FSTL4: variants seen among roughly 807,000 people sequenced by gnomAD.
FSTL4 encodes the protein follistatin-related protein 4.
In FSTL4, 28 loss-of-function variants were observed where a neutral mutation model predicts 78.2. The ratio of observed to expected loss-of-function variants is 0.36; its 90% CI spans 0.27 to 0.49. The LOEUF is 0.49. Among genes scored for constraint, FSTL4 ranks in the 20% least tolerant of loss-of-function variants. The pLI is 0.98. For synonymous variants in FSTL4, 422 were observed against 440.5 expected (o/e 0.96, Z 0.53); for missense variants, 922 against 1,084.9 (o/e 0.85, Z 2.11).
At chr5:133,578,397 G>C (rs1397199686) in intron 2 of FSTL4, among the ~76,000 whole-genome samples, 1 of 152,222 alleles carries the variant, frequency 6.6e-6, no homozygotes, top group Non-Finnish European at 1.5e-5. Flanking sequence ...AAAACGGGCA[G>C]ACCCGACAGC....
the FSTL4 span, among the ~76,000 whole-genome samples, chr5:133,713,688 C>T: frequency 6.6e-6 from 1 of 150,870 alleles, no homozygotes; most frequent in African/African-American, 2.4e-5. Context: ...AACCAAGCCA[C>T]TGGGTCCTGG....
At chr5:133,578,856 G>C (rs138908689) in intron 2 of FSTL4, among the ~76,000 whole-genome samples, 8 of 152,304 alleles carry the variant, frequency 5.3e-5, no homozygotes, top group African/African-American at 1.9e-4. Flanking sequence ...GCCAGATTAA[G>C]GGACCAAGAA....
chr5:133,788,528 C>A, the FSTL4 span, among the ~76,000 whole-genome samples: 2 of 152,204 alleles, frequency 1.3e-5, no homozygotes, highest in Non-Finnish European at 2.9e-5. Context: ...ACAAACTCCC[C>A]CTCCACGAGC....
intron 6 of FSTL4, among the ~76,000 whole-genome samples, chr5:133,257,624 G>A (rs1752414911): frequency 6.6e-6 from 1 of 152,180 alleles, no homozygotes; most frequent in South Asian, 2.1e-4. Flanking sequence ...GGGTATCATG[G>A]GGTGCCACAG....
the FSTL4 span, among the ~76,000 whole-genome samples, chr5:133,665,524 G>A: frequency 6.6e-6 from 1 of 152,270 alleles, no homozygotes; most frequent in Admixed American, 6.5e-5. Flanking sequence ...CTCTGCCACG[G>A]TGCTTGCCCC....
the FSTL4 span, among the ~76,000 whole-genome samples, chr5:133,692,811 T>C: frequency 1.3e-5 from 2 of 152,194 alleles, no homozygotes; most frequent in South Asian, 2.1e-4. Context: ...AATGACTTCC[T>C]ACTCAACCTT....
At chr5:133,253,297 G>C (rs1483301115) in intron 6 of FSTL4, among the ~76,000 whole-genome samples, 3 of 152,192 alleles carry the variant, frequency 2.0e-5, no homozygotes, top group Non-Finnish European at 4.4e-5. Context: ...CATGTGCTAG[G>C]CCCCGAGTGA....
At chr5:133,292,674 C>T (rs1753293600) in intron 6 of FSTL4, among the ~76,000 whole-genome samples, 1 of 151,544 alleles carries the variant, frequency 6.6e-6, no homozygotes, top group African/African-American at 2.4e-5. Context: ...ATGTTCACAG[C>T]TTGCTCTGTA....
chr5:133,264,366 T>C (rs1014897053), intron 6 of FSTL4, among the ~76,000 whole-genome samples: 5 of 152,162 alleles, frequency 3.3e-5, no homozygotes, highest in Non-Finnish European at 7.3e-5. Flanking sequence ...GATACATCCC[T>C]GTCCTAACTC....
At chr5:133,667,819 T>C in the FSTL4 span, among the ~76,000 whole-genome samples, 3 of 152,360 alleles carry the variant, frequency 2.0e-5, no homozygotes, top group African/African-American at 7.2e-5. Context: ...TTCTACTAGA[T>C]TACAGACTCC....
chr5:133,201,880 C>A (rs574747555), intron 15 of FSTL4, 53 bp downstream of exon 15: 2 of 1,035,884 alleles, frequency 1.9e-6, no homozygotes, highest in East Asian at 4.8e-5. Flanking sequence ...CTGCCCCTTG[C>A]AGGGCTGAGC....
intron 6 of FSTL4, among the ~76,000 whole-genome samples, chr5:133,266,434 G>A (rs1752642032): frequency 6.6e-6 from 1 of 152,258 alleles, no homozygotes; most frequent in Non-Finnish European, 1.5e-5. Context: ...GGTTTGGAAG[G>A]AGGCTTGGCC....
intron 3 of FSTL4, among the ~76,000 whole-genome samples, chr5:133,407,488 T>A (rs1240104720): frequency 6.6e-6 from 1 of 152,134 alleles, no homozygotes; most frequent in Non-Finnish European, 1.5e-5. Context: ...CATTCTCCAA[T>A]CCCAAAGCTC....
chr5:133,758,356 T>C, the FSTL4 span, among the ~76,000 whole-genome samples: 4 of 152,172 alleles, frequency 2.6e-5, no homozygotes, highest in South Asian at 8.3e-4. Context: ...TCATTCACAA[T>C]ATCAACAAAA....
At chr5:133,707,319 T>C in the FSTL4 span, among the ~76,000 whole-genome samples, 1 of 152,142 alleles carries the variant, frequency 6.6e-6, no homozygotes, top group South Asian at 2.1e-4. Context: ...TATCACATGG[T>C]CTAGGAGGCT....
chr5:133,719,035 A>G, the FSTL4 span, among the ~76,000 whole-genome samples: 1 of 152,250 alleles, frequency 6.6e-6, no homozygotes, highest in African/African-American at 2.4e-5. Flanking sequence ...AACCTGGATG[A>G]CTGCTTCACT....
At chr5:133,386,911 A>G (rs17685127) in intron 4 of FSTL4, among the ~76,000 whole-genome samples, 2,375 of 152,308 alleles carry the variant, frequency 0.016, 24 homozygotes, top group Non-Finnish European at 0.025. Flanking sequence ...CAAAGACAAG[A>G]TGGGTGTAAA....
intron 4 of FSTL4, among the ~76,000 whole-genome samples, chr5:133,370,885 T>G (rs998716113): frequency 2.0e-5 from 3 of 152,044 alleles, no homozygotes; most frequent in Admixed American, 2.0e-4. Flanking sequence ...GAAAGGCAGG[T>G]TGGGGTCATC....
the FSTL4 span, among the ~76,000 whole-genome samples, chr5:133,747,602 A>G: frequency 6.6e-6 from 1 of 152,206 alleles, no homozygotes; most frequent in Non-Finnish European, 1.5e-5. Flanking sequence ...AATTAAAAAA[A>G]CAGGTTAAGA....
Sources: allele counts gnomAD v4.1 joint callset (sites outside exome capture counted in the v4.1 genomes callset), GRCh38; gene constraint gnomAD v4.1.1; transcripts MANE v1.5; gene names NCBI Gene and HGNC (gene_info 2026-07-23, HGNC 2026-07-21).